The following SLC24A2 variants were observed in gnomAD, a reference collection of about 807,000 sequenced individuals.
SLC24A2 encodes solute carrier family 24 member 2.
Under a neutral mutation model 62.0 loss-of-function variants are expected in SLC24A2, and 36 were observed. That is an observed-to-expected ratio of 0.58 (90% CI 0.44 to 0.77). The LOEUF (loss-of-function observed/expected upper bound fraction) is 0.77, where lower values mean the gene tolerates loss of function less well. Ranked by LOEUF, SLC24A2 falls within the 30% of genes least tolerant of loss-of-function variation. The pLI is 0.00. For missense variants in SLC24A2, 846 were observed against 817.9 expected (o/e 1.03, Z -0.42); for synonymous variants, 358 against 294.0 (o/e 1.22, Z -2.23).
At chr9:19,914,626 C>G in the SLC24A2 span, among the ~76,000 whole-genome samples, 1 of 152,124 alleles carries the variant, frequency 6.6e-6, no homozygotes, top group Non-Finnish European at 1.5e-5. Context: ...TTAAGGCATT[C>G]TGTTCACCCC....
chr9:19,833,600 C>G, the SLC24A2 span, among the ~76,000 whole-genome samples: 1 of 152,158 alleles, frequency 6.6e-6, no homozygotes, highest in Admixed American at 6.5e-5. Context: ...GGGTGGAGCC[C>G]ACCACAGCTC....
the SLC24A2 span, among the ~76,000 whole-genome samples, chr9:20,279,226 G>C: frequency 6.6e-6 from 1 of 152,294 alleles, no homozygotes; most frequent in Admixed American, 6.5e-5. Context: ...AATCATATAA[G>C]CATATATTGT....
the SLC24A2 span, among the ~76,000 whole-genome samples, chr9:20,295,864 C>T: frequency 2.0e-5 from 3 of 152,228 alleles, 1 homozygote; most frequent in African/African-American, 4.8e-5. Context: ...TCTCAGCCTC[C>T]ATAACTGCGT....
At chr9:19,635,204 C>T (rs1315130207) in intron 2 of SLC24A2, among the ~76,000 whole-genome samples, 3 of 152,234 alleles carry the variant, frequency 2.0e-5, no homozygotes, top group Non-Finnish European at 2.9e-5. Context: ...GCACCAACTT[C>T]TTGGCCTAAT....
chr9:20,160,440 T>C, the SLC24A2 span, among the ~76,000 whole-genome samples: 15 of 151,494 alleles, frequency 9.9e-5, no homozygotes, highest in African/African-American at 2.9e-4. Context: ...ATGATAGATA[T>C]CATAAATATA....
intron 10 of SLC24A2, among the ~76,000 whole-genome samples, chr9:19,517,916 C>T (rs1209429832): frequency 1.2e-5 from 1 of 85,422 alleles, no homozygotes; most frequent in South Asian, 4.2e-4. Flanking sequence ...TTAAAACACA[C>T]ACACACACAC....
chr9:19,686,175 A>C (rs868400845), intron 2 of SLC24A2, among the ~76,000 whole-genome samples: 4 of 152,108 alleles, frequency 2.6e-5, no homozygotes, highest in Non-Finnish European at 4.4e-5. Context: ...CAACATCATT[A>C]ATCATTAGAG....
the SLC24A2 span, among the ~76,000 whole-genome samples, chr9:20,211,999 AC>A: frequency 1.3e-5 from 2 of 152,082 alleles, no homozygotes; most frequent in African/African-American, 4.8e-5. Flanking sequence ...TAACAAGGAA[AC>A]CTAAAGAAAA....
chr9:19,891,466 T>A, the SLC24A2 span, among the ~76,000 whole-genome samples: 34 of 152,372 alleles, frequency 2.2e-4, 1 homozygote, highest in Non-Finnish European at 3.5e-4. Flanking sequence ...GGCACCAGCA[T>A]CTGCTTCTGG....
chr9:20,073,382 C>A, the SLC24A2 span, among the ~76,000 whole-genome samples: 1 of 152,078 alleles, frequency 6.6e-6, no homozygotes, highest in African/African-American at 2.4e-5. Flanking sequence ...TTAATTAATT[C>A]AAAAGTCAAC....
intron 2 of SLC24A2, among the ~76,000 whole-genome samples, chr9:19,722,505 A>G (rs1159185724): frequency 6.6e-6 from 1 of 152,112 alleles, no homozygotes; most frequent in Non-Finnish European, 1.5e-5. Flanking sequence ...TGTAATTCTG[A>G]TGGTATACCT....
At chr9:19,554,235 C>G (rs1005088927) in intron 7 of SLC24A2, among the ~76,000 whole-genome samples, 1 of 152,202 alleles carries the variant, frequency 6.6e-6, no homozygotes, top group African/African-American at 2.4e-5. Flanking sequence ...GAAACCAACC[C>G]TGCCAAACAC....
chr9:19,750,063 G>A (rs1251741739), intron 2 of SLC24A2, among the ~76,000 whole-genome samples: 2 of 152,176 alleles, frequency 1.3e-5, no homozygotes, highest in Non-Finnish European at 2.9e-5. Context: ...CCCAGACCAG[G>A]AGAATCAGTT....
the SLC24A2 span, among the ~76,000 whole-genome samples, chr9:20,247,566 G>A: frequency 6.6e-6 from 1 of 152,056 alleles, no homozygotes; most frequent in Admixed American, 6.5e-5. Context: ...TTGTCTACCA[G>A]GAAGCAGACC....
intron 4 of SLC24A2, among the ~76,000 whole-genome samples, chr9:19,608,178 A>G (rs2132928426): frequency 6.6e-6 from 1 of 152,336 alleles, no homozygotes; most frequent in African/African-American, 2.4e-5. Flanking sequence ...TCTTGGTAGT[A>G]TAAGCTGATC....
At chr9:20,302,520 T>C in the SLC24A2 span, among the ~76,000 whole-genome samples, 1 of 152,252 alleles carries the variant, frequency 6.6e-6, no homozygotes, top group Non-Finnish European at 1.5e-5. Flanking sequence ...TTGCCATCTG[T>C]ATATCTTATG....
the SLC24A2 span, among the ~76,000 whole-genome samples, chr9:19,968,981 T>C: frequency 3.3e-5 from 5 of 152,238 alleles, no homozygotes; most frequent in South Asian, 4.1e-4. Flanking sequence ...ACAAATATGA[T>C]AATAAAAGGT....
At chr9:19,945,445 C>G in the SLC24A2 span, among the ~76,000 whole-genome samples, 2 of 152,146 alleles carry the variant, frequency 1.3e-5, no homozygotes, top group African/African-American at 4.8e-5. Flanking sequence ...GACTTAATGC[C>G]CCAATGCATT....
chr9:19,885,231 G>A, the SLC24A2 span, among the ~76,000 whole-genome samples: 3 of 152,154 alleles, frequency 2.0e-5, no homozygotes, highest in Non-Finnish European at 2.9e-5. Context: ...CCATCACTGT[G>A]GCCAGATGCA....
Sources: gnomAD v4.1 joint callset for allele counts (sites outside exome capture counted in the v4.1 genomes callset) on GRCh38, gnomAD v4.1.1 for gene constraint, MANE v1.5 for transcripts, NCBI Gene and HGNC (gene_info 2026-07-23, HGNC 2026-07-21) for gene names.